CPA6: variants seen among roughly 807,000 people sequenced by gnomAD.
CPA6 encodes the protein carboxypeptidase A6.
In CPA6, 58 loss-of-function variants were observed where a neutral mutation model predicts 63.3. The ratio of observed to expected loss-of-function variants is 0.92; its 90% CI spans 0.74 to 1.14. The LOEUF (loss-of-function observed/expected upper bound fraction) is 1.14. Ranked by LOEUF, CPA6 falls within the 50% of genes most tolerant of loss-of-function variation. The pLI is 0.00. For synonymous variants in CPA6, 185 were observed against 179.0 expected, an observed-to-expected ratio of 1.03 and a Z score of -0.27; for missense variants, 565 against 526.6, an observed-to-expected ratio of 1.07 and a Z score of -0.71.
At chr8:67,542,908 G>A (rs1294334290) in intron 2 of CPA6, among the ~76,000 whole-genome samples, 4 of 152,176 alleles carry the variant, frequency 2.6e-5, no homozygotes, top group Non-Finnish European at 5.9e-5. Context: ...AGTGACCTCA[G>A]CCCTCCATCA....
chr8:67,690,357 AT>A (rs1816791646), intron 1 of CPA6, among the ~76,000 whole-genome samples: 1 of 152,216 alleles, frequency 6.6e-6, no homozygotes, highest in Non-Finnish European at 1.5e-5. Flanking sequence ...GTTAATGAAT[AT>A]TAATTACTAT....
chr8:67,545,814 C>T (rs541234867), intron 2 of CPA6, among the ~76,000 whole-genome samples: 12 of 152,218 alleles, frequency 7.9e-5, no homozygotes, highest in East Asian at 5.8e-4. Flanking sequence ...CCGCCCACCT[C>T]GGCCTCCCAA....
intron 2 of CPA6, among the ~76,000 whole-genome samples, chr8:67,535,523 C>T (rs2128969688): frequency 1.3e-5 from 2 of 152,272 alleles, no homozygotes; most frequent in Middle Eastern, 6.8e-3. Flanking sequence ...TGAGAAGTAT[C>T]TGTTCATATC....
intron 10 of CPA6, among the ~76,000 whole-genome samples, chr8:67,427,098 G>A (rs561295736): frequency 6.6e-6 from 1 of 152,318 alleles, no homozygotes; most frequent in East Asian, 1.9e-4. Context: ...CTTCCTGCAT[G>A]CAGCAAACAG....
At chr8:67,445,483 T>C (rs1810391024) in intron 8 of CPA6, among the ~76,000 whole-genome samples, 1 of 152,198 alleles carries the variant, frequency 6.6e-6, no homozygotes, top group Non-Finnish European at 1.5e-5. Flanking sequence ...TTTATATATG[T>C]GTCTCTTGTT....
At chr8:67,465,703 T>C (rs1035719853) in intron 8 of CPA6, among the ~76,000 whole-genome samples, 1 of 152,168 alleles carries the variant, frequency 6.6e-6, no homozygotes, top group Non-Finnish European at 1.5e-5. Context: ...GCTTTTCCCA[T>C]GTCTATTGAG....
At chr8:67,561,782 T>A (rs1035825679) in intron 2 of CPA6, among the ~76,000 whole-genome samples, 1 of 152,220 alleles carries the variant, frequency 6.6e-6, no homozygotes, top group African/African-American at 2.4e-5. Context: ...AAATGTACTC[T>A]AAAGAATTCA....
intron 1 of CPA6, among the ~76,000 whole-genome samples, chr8:67,702,133 A>G (rs1015816121): frequency 2.6e-5 from 4 of 152,156 alleles, no homozygotes; most frequent in African/African-American, 7.2e-5. Context: ...GCTTCCCAAT[A>G]AGATCTTAGG....
intron 1 of CPA6, among the ~76,000 whole-genome samples, chr8:67,733,942 A>G (rs1817764520): frequency 6.7e-6 from 1 of 149,446 alleles, no homozygotes; most frequent in Non-Finnish European, 1.5e-5. Context: ...TGGTGCAATC[A>G]TGGCTCACTG....
chr8:67,589,091 A>C lies in CPA6; in HGVS notation c.192+35085T>G, dbSNP rs527441483. Reference sequence around the variant, plus strand: ...CAAGATTGCACCACTGCACTCCGGCATGGGTGACAGAGCAAGACTCTTAAA... The same window carrying C: ...CAAGATTGCACCACTGCACTCCGGCCTGGGTGACAGAGCAAGACTCTTAAA... On this transcript the variant is annotated intron_variant, in intron 2 of 10. Transcript: ENST00000297770. 1.9e-3 allele frequency among the ~76,000 whole-genome samples: 292 copies of C among 151,804 alleles called. 1 individual carries two copies. Among genetic ancestry groups the C allele is most frequent in the African/African-American group, 6.8e-3 (280 of 41,290 alleles).
At chr8:67,478,458 G>T (rs73262675) in intron 8 of CPA6, among the ~76,000 whole-genome samples, 10,192 of 152,178 alleles carry the variant, frequency 0.067, 797 homozygotes, top group African/African-American at 0.19. Context: ...TCACAAGCTG[G>T]CATTTGTAAC....
chr8:67,479,692 A>G (rs998549589), intron 8 of CPA6, among the ~76,000 whole-genome samples: 23 of 152,176 alleles, frequency 1.5e-4, no homozygotes, highest in African/African-American at 5.3e-4. Context: ...CATACAGTCT[A>G]GCAACATTAC....
In CPA6 at chr8:67,708,813, A is replaced by C. The variant is rs1227059823; in HGVS notation, c.116+37201T>G. On this transcript the variant is annotated intron_variant, in intron 1 of 10. Coordinates refer to ENST00000297770, the MANE Select transcript of CPA6 (RefSeq NM_020361.5). Reference sequence around the variant, plus strand: ...CAAAGAATTGGGTCTTGGACTCCTGAGGGAGGAAATATTAGAGTAGGGAGC... The same window carrying C: ...CAAAGAATTGGGTCTTGGACTCCTGCGGGAGGAAATATTAGAGTAGGGAGC... Among the ~76,000 whole-genome samples, 4 of 152,128 alleles carry C rather than the reference A, an allele frequency of 2.6e-5. No homozygotes were observed. In the East Asian group the frequency reaches 7.7e-4, roughly 29 times the overall value.
intron 2 of CPA6, among the ~76,000 whole-genome samples, chr8:67,615,187 T>G (rs1345372948): frequency 6.6e-6 from 1 of 152,164 alleles, no homozygotes; most frequent in East Asian, 1.9e-4. Context: ...CTCTGCAGAT[T>G]TATACAGCTA....
intron 1 of CPA6, among the ~76,000 whole-genome samples, chr8:67,741,467 T>C (rs1167051989): frequency 3.3e-5 from 5 of 152,186 alleles, no homozygotes; most frequent in African/African-American, 1.2e-4. Context: ...CCGGTTCCAG[T>C]TGATGGCCTG....
chr8:67,427,996 G>C, intron 10 of CPA6, 51 bp downstream of exon 10: 1 of 1,206,974 alleles, frequency 8.3e-7, no homozygotes, highest in Non-Finnish European at 1.2e-6. Flanking sequence ...CATGATACAG[G>C]ATATTGGTTC....
At chr8:67,684,382 A>G (rs1025000053) in intron 1 of CPA6, among the ~76,000 whole-genome samples, 4 of 152,060 alleles carry the variant, frequency 2.6e-5, no homozygotes, top group African/African-American at 9.7e-5. Flanking sequence ...TAAAAATGCA[A>G]ATACAAGTTT....
chr8:67,627,930 A>G (rs1389989494), intron 1 of CPA6, among the ~76,000 whole-genome samples: 1 of 152,204 alleles, frequency 6.6e-6, no homozygotes, highest in Non-Finnish European at 1.5e-5. Context: ...CACCTACAGA[A>G]AATTCAGAAA....
intron 2 of CPA6, among the ~76,000 whole-genome samples, chr8:67,556,898 T>A (rs1002573693): frequency 6.6e-6 from 1 of 152,206 alleles, no homozygotes; most frequent in African/African-American, 2.4e-5. Flanking sequence ...GTGAGGAGAA[T>A]AGGACTCTTT....
Sources: allele counts gnomAD v4.1 joint callset (sites outside exome capture counted in the v4.1 genomes callset), GRCh38; gene constraint gnomAD v4.1.1; transcripts MANE v1.5; gene names NCBI Gene and HGNC (gene_info 2026-07-23, HGNC 2026-07-21).